The following PYGB variants were observed in gnomAD, a reference collection of about 807,000 sequenced individuals.
PYGB encodes glycogen phosphorylase B, also known as glycogen phosphorylase, brain form.
PYGB carries 82 observed loss-of-function variants against 94.3 expected under a neutral mutation model. That is an observed-to-expected ratio of 0.87 (90% CI 0.73 to 1.04). The LOEUF (loss-of-function observed/expected upper bound fraction) is 1.04. Ranked by LOEUF, PYGB falls within the 50% of genes least tolerant of loss-of-function variation. PYGB has a pLI of 0.00. For missense variants in PYGB, 1,132 were observed against 1,158.2 expected, an observed-to-expected ratio of 0.98 and a Z score of 0.33; for synonymous variants, 488 against 479.1, an observed-to-expected ratio of 1.02 and a Z score of -0.24.
Position 25,283,241 on chromosome 20 carries a change from CG to C in PYGB, c.1585del (p.Glu529ArgfsTer28). On this transcript the variant is annotated frameshift_variant, in exon 13 of 20. Transcript: ENST00000216962. LOFTEE classifies it high-confidence loss of function. ...AGAAGCTGCTGCCGCTGGTCAGTGA[CG>C]AGGTGTTCATCAGGGACGTGGCCAA... ...LKKLLPLVSD[E>X]VFIRDVAKVK... 1 of 1,613,850 alleles carries C rather than the reference CG, an allele frequency of 6.2e-7. No homozygotes were observed. Among genetic ancestry groups the C allele is most frequent in the Non-Finnish European group, 8.5e-7 (1 of 1,179,898 alleles).
chr20:25,273,810 C>T (rs1214181608), intron 4 of PYGB, among the ~76,000 whole-genome samples: 7 of 152,194 alleles, frequency 4.6e-5, no homozygotes, highest in South Asian at 2.1e-4. Context: ...CCAGCACTTG[C>T]GGATTTGCAG....
chr20:25,282,205 A>G (rs1283262131), intron 12 of PYGB, 58 bp downstream of exon 12: 2 of 1,395,388 alleles, frequency 1.4e-6, no homozygotes, highest in South Asian at 1.3e-5. Context: ...ACCGCGGGCC[A>G]TGTCATCAGC....
At chr20:25,250,325 G>C (rs1240698155) in intron 1 of PYGB, among the ~76,000 whole-genome samples, 1 of 152,174 alleles carries the variant, frequency 6.6e-6, no homozygotes, top group Non-Finnish European at 1.5e-5. Flanking sequence ...AGGGATTACG[G>C]AAATGACCTT....
chr20:25,291,679 C>T (rs1028765871), intron 16 of PYGB, among the ~76,000 whole-genome samples: 3 of 152,148 alleles, frequency 2.0e-5, no homozygotes, highest in Admixed American at 1.3e-4. Context: ...CCTGAGGCTC[C>T]CCTCCTCCTA....
In PYGB at chr20:25,297,865, G is replaced by GCAT. The variant is rs1361650290; in HGVS notation, c.*1345_*1347dup. ...GCTGGGCTGTGGTCGTGCCCTGACA[G>GCAT]CATCTTCCCCAGGCAGCGGCTCTGT... On this transcript the variant is annotated 3_prime_UTR_variant, in exon 20 of 20. Transcript: ENST00000216962. The GCAT allele has an allele frequency of 3.3e-5, 5 of 152,454 alleles. No individual in the cohort carries two copies. Among genetic ancestry groups the GCAT allele is most frequent in the South Asian group, 2.1e-4 (1 of 4,834 alleles). 9.4% of individuals were successfully genotyped at this position (152,454 alleles called of 1,614,324 possible).
At chr20:25,271,163 C>A (rs1001876895) in intron 3 of PYGB, among the ~76,000 whole-genome samples, 2 of 152,106 alleles carry the variant, frequency 1.3e-5, no homozygotes, top group African/African-American at 4.8e-5. Context: ...TTCATCCCCC[C>A]CCATCCTCCC....
rs1368818596 is a variant in PYGB at position 25,284,184 on chromosome 20, T to C, written c.1701T>C (p.His567=). 3.7e-6 allele frequency: 6 copies of C among 1,614,000 alleles called. No homozygotes were observed. Among genetic ancestry groups the C allele is most frequent in the South Asian group, 1.1e-5 (1 of 91,072 alleles). The change falls in exon 14 of 20, where the codon CAT becomes CAC. Residue 567 remains histidine (H), a synonymous_variant. Transcript: ENST00000216962. ...KINPSSMFDV[H]VKRIHEYKRQ... ...ACCCCTCCTCCATGTTCGATGTGCATGTGAAGAGGATCCACGAGTACAAGC... is the reference window on the plus strand; with the variant it reads ...ACCCCTCCTCCATGTTCGATGTGCACGTGAAGAGGATCCACGAGTACAAGC...
At chr20:25,277,558 C>G (rs913686619) in intron 7 of PYGB, among the ~76,000 whole-genome samples, 51 of 152,294 alleles carry the variant, frequency 3.3e-4, no homozygotes, top group African/African-American at 1.2e-3. Flanking sequence ...CTGTGGTCCT[C>G]TCTCCGAGGA....
intron 15 of PYGB, among the ~76,000 whole-genome samples, chr20:25,288,967 G>T (rs530801233): frequency 6.6e-6 from 1 of 152,374 alleles, no homozygotes; most frequent in East Asian, 1.9e-4. Flanking sequence ...TGTTTCCCTA[G>T]TAGCTTGGTC....
chr20:25,267,922 A>T (rs2088231725), intron 2 of PYGB, among the ~76,000 whole-genome samples: 1 of 152,190 alleles, frequency 6.6e-6, no homozygotes, highest in Non-Finnish European at 1.5e-5. Flanking sequence ...ATTTAAAAAC[A>T]GGAAGGAACT....
intron 10 of PYGB, 60 bp from the exon 11 acceptor site, chr20:25,280,889 G>A: frequency 6.4e-7 from 1 of 1,571,148 alleles, no homozygotes; most frequent in Non-Finnish European, 8.7e-7. Flanking sequence ...GTCATGGGGA[G>A]TGCTGGGTCT....
At chr20:25,290,024 G>T in intron 15 of PYGB, 2 of 502,972 alleles carry the variant, frequency 4.0e-6, no homozygotes, top group Non-Finnish European at 4.1e-6. Context: ...CCTCACCTTG[G>T]ACTGGCCGTG....
At chr20:25,290,074 G>A (rs1249785695) in intron 15 of PYGB, 2 of 417,108 alleles carry the variant, frequency 4.8e-6, no homozygotes, top group East Asian at 6.8e-5. Flanking sequence ...CAGTCTGTCT[G>A]TTACAGACAT....
At chr20:25,280,657 A>G (rs1480856260) in intron 10 of PYGB, among the ~76,000 whole-genome samples, 1 of 152,222 alleles carries the variant, frequency 6.6e-6, no homozygotes, top group Non-Finnish European at 1.5e-5. Context: ...CATCTTCCTC[A>G]GACAGCAGCC....
intron 1 of PYGB, among the ~76,000 whole-genome samples, chr20:25,249,192 C>G (rs933755594): frequency 6.6e-6 from 1 of 152,134 alleles, no homozygotes; most frequent in South Asian, 2.1e-4. Context: ...TTTGGTATTC[C>G]TAAATATACA....
intron 14 of PYGB, 195 bp from the exon 15 acceptor site, chr20:25,288,230 G>A (rs2088434796): frequency 1.4e-6 from 1 of 715,594 alleles, no homozygotes; most frequent in African/African-American, 1.7e-5. Flanking sequence ...TCCCTTGTAA[G>A]TGGCAGGTTC....
At chr20:25,280,778 T>A (rs2088359095) in intron 10 of PYGB, among the ~76,000 whole-genome samples, 171 bp from the exon 11 acceptor site, 1 of 152,162 alleles carries the variant, frequency 6.6e-6, no homozygotes, top group Non-Finnish European at 1.5e-5. Flanking sequence ...TGGAGGTGCC[T>A]GCTGGGTCTG....
intron 4 of PYGB, among the ~76,000 whole-genome samples, chr20:25,272,874 C>T (rs556987393): frequency 9.2e-5 from 14 of 152,304 alleles, no homozygotes; most frequent in Middle Eastern, 3.4e-3. Flanking sequence ...GGCTCCCCTT[C>T]GCCTAGCTGG....
intron 1 of PYGB, among the ~76,000 whole-genome samples, chr20:25,250,767 T>C (rs1267172171): frequency 6.6e-6 from 1 of 152,196 alleles, no homozygotes; most frequent in Non-Finnish European, 1.5e-5. Flanking sequence ...CTAGAGCTCC[T>C]AAATAGAACG....
Sources: gnomAD v4.1 joint callset for allele counts (sites outside exome capture counted in the v4.1 genomes callset) on GRCh38, gnomAD v4.1.1 for gene constraint, MANE v1.5 for transcripts, NCBI Gene and HGNC (gene_info 2026-07-23, HGNC 2026-07-21) for gene names.